The following SPP1 variants were observed in gnomAD, a reference collection of about 807,000 sequenced individuals.
SPP1 encodes osteopontin.
A neutral mutation model predicts 20.8 loss-of-function variants in SPP1; 18 were observed. The observed-to-expected ratio is 0.87, with a 90% CI of 0.60 to 1.29. The LOEUF is 1.29. Among genes scored for constraint, SPP1 ranks in the 50% most tolerant of loss-of-function variants. The pLI is 0.00. For synonymous variants in SPP1, 146 were observed against 141.5 expected, an observed-to-expected ratio of 1.03 and a Z score of -0.23; for missense variants, 363 against 389.0, an observed-to-expected ratio of 0.93 and a Z score of 0.56.
At chr4:87,977,876 A>C (rs1431542249) in intron 3 of SPP1, 1 of 1,186,928 alleles carries the variant, frequency 8.4e-7, no homozygotes, top group Non-Finnish European at 1.1e-6. Context: ...TTGTGTGTGG[A>C]GGGGTGTGTG....
intron 1 of SPP1, 74 bp from the exon 2 acceptor site, chr4:87,976,808 A>G: frequency 1.1e-6 from 1 of 927,528 alleles, no homozygotes; most frequent in South Asian, 1.6e-5. Context: ...TCATTTTGTA[A>G]TGTGGTAGTA....
At chr4:87,979,587 C>T (rs1309251556) in intron 3 of SPP1, among the ~76,000 whole-genome samples, 1 of 152,118 alleles carries the variant, frequency 6.6e-6, no homozygotes, top group Non-Finnish European at 1.5e-5. Context: ...TGAAGATTAA[C>T]AGTAATTAAG....
chr4:87,977,163 A>G (rs1267436740), intron 3 of SPP1, 66 bp downstream of exon 3: 5 of 1,479,018 alleles, frequency 3.4e-6, no homozygotes, highest in Non-Finnish European at 4.7e-6. Flanking sequence ...GGTGCAAGAA[A>G]CGTATTTGCT....
chr4:87,980,461 C>T (rs770476755), intron 5 of SPP1, 27 bp downstream of exon 5: 1 of 1,612,428 alleles, frequency 6.2e-7, no homozygotes, highest in Non-Finnish European at 8.5e-7. Flanking sequence ...AATCAGAGGC[C>T]CATCATGCCT....
intron 6 of SPP1, 21 bp downstream of exon 6, chr4:87,981,819 A>C (rs747984095): frequency 6.2e-7 from 1 of 1,605,884 alleles, no homozygotes; most frequent in Middle Eastern, 1.7e-4. Context: ...TAACAGACAC[A>C]CCTGATGGTT....
chr4:87,978,467 C>T lies in SPP1; in HGVS notation c.93+1370C>T, dbSNP rs532481171. 1.3e-3 allele frequency among the ~76,000 whole-genome samples: 178 copies of T among 137,838 alleles called. 1 individual carries two copies. Among genetic ancestry groups the T allele is most frequent in the African/African-American group, 4.9e-3 (176 of 36,218 alleles). The allele number at this position is 137,838 out of a possible 152,430, so 90.4% of individuals were successfully genotyped here. A position where few individuals can be genotyped will look rare whatever the true frequency, so the allele number is the denominator to read the frequency against. Reference sequence around the variant, plus strand: ...CTGGAGTGCAGTGGTGTGATCTCGGCTCACTGCAAGCTCCGCCTCCCAGGT... The same window carrying T: ...CTGGAGTGCAGTGGTGTGATCTCGGTTCACTGCAAGCTCCGCCTCCCAGGT... On this transcript the variant is annotated intron_variant, in intron 3 of 6. Transcript: ENST00000395080.
chr4:87,976,319 G>C (rs1382360237), intron 1 of SPP1, among the ~76,000 whole-genome samples: 1 of 152,036 alleles, frequency 6.6e-6, no homozygotes, highest in Non-Finnish European at 1.5e-5. Context: ...AAAGCTGTTG[G>C]CTATTTTCAA....
At position 87,977,082 on chromosome 4, in the gene SPP1, T is replaced by C. The variant is rs746941199; in HGVS notation, c.78T>C (p.Ser26=). The change falls in exon 3 of 7, where the codon AGT becomes AGC. Residue 26 remains serine, a synonymous_variant. Coordinates refer to ENST00000395080, the MANE Select transcript of SPP1 (RefSeq NM_001040058.2). ...AIPVKQADSG[S]SEEKQLYNKY... is the part of the protein sequence containing the mutation. ...AGGTTAAACAGGCTGATTCTGGAAGTTCTGAGGAAAAGCAGGTAAGCATCT... is the reference window on the plus strand; with the variant it reads ...AGGTTAAACAGGCTGATTCTGGAAGCTCTGAGGAAAAGCAGGTAAGCATCT... The C allele has an allele frequency of 2.9e-5, 46 of 1,613,748 alleles. No individual in the cohort carries two copies. The highest frequency in any genetic ancestry group is 3.4e-6 in the Non-Finnish European group (4 of 1,179,968).
At chr4:87,982,202 T>C (rs1287345946) in intron 6 of SPP1, among the ~76,000 whole-genome samples, 1 of 152,140 alleles carries the variant, frequency 6.6e-6, no homozygotes, top group East Asian at 1.9e-4. Flanking sequence ...ACTATTCTCT[T>C]TACTTTTTAA....
At chr4:87,981,105 A>T (rs1485103137) in intron 5 of SPP1, among the ~76,000 whole-genome samples, 1 of 152,194 alleles carries the variant, frequency 6.6e-6, no homozygotes, top group Admixed American at 6.5e-5. Flanking sequence ...CATTTCAAAT[A>T]AAAAAACCAG....
chr4:87,976,703 A>C (rs1369449572), intron 1 of SPP1, among the ~76,000 whole-genome samples, 179 bp from the exon 2 acceptor site: 2 of 152,232 alleles, frequency 1.3e-5, no homozygotes, highest in Non-Finnish European at 2.9e-5. Context: ...AATAGGTGGC[A>C]ATATAAATAT....
Position 87,979,416 on chromosome 4 carries a change from G to A in SPP1, c.94-630G>A, listed in dbSNP as rs180878290. Among the ~76,000 whole-genome samples the A allele has an allele frequency of 8.9e-3, 1,355 of 151,672 alleles. 18 individuals are homozygous for A. Among genetic ancestry groups the A allele is most frequent in the African/African-American group, 0.03 (1,260 of 41,372 alleles). Reference sequence around the variant, plus strand: ...TCTCGATCTCCTGACCTCGTGATCCGCCTGCCTCGGCCTCCCAAAGTGCTG... The same window carrying A: ...TCTCGATCTCCTGACCTCGTGATCCACCTGCCTCGGCCTCCCAAAGTGCTG... On this transcript the variant is annotated intron_variant, in intron 3 of 6. Transcript: ENST00000395080.
rs767491167 is a variant in SPP1 at position 87,981,727 on chromosome 4, G to A, written c.469G>A (p.Asp157Asn). ...AGTTGTCCCCACAGTAGACACATAT[G>A]ATGGCCGAGGTGATAGTGTGGTTTA... ...TPVVPTVDTYDGRGDSVVYGL... is the reference protein window; with the variant it reads ...TPVVPTVDTYNGRGDSVVYGL... The change falls in exon 6 of 7, where the codon GAT becomes AAT. Residue 157 changes from aspartate (D) to asparagine (N), a missense_variant. By Grantham distance (23) the Asp-to-Asn change is conservative. Transcript: ENST00000395080. 1 of 1,614,198 alleles carries A rather than the reference G, an allele frequency of 6.2e-7. No homozygotes were observed. The highest frequency in any genetic ancestry group is 8.5e-7 in the Non-Finnish European group (1 of 1,180,042).
chr4:87,983,338 G>A lies in SPP1; in HGVS notation c.*442G>A, dbSNP rs960849236. On this transcript the variant is annotated 3_prime_UTR_variant, in exon 7 of 7. Coordinates refer to ENST00000395080, the MANE Select transcript of SPP1 (RefSeq NM_001040058.2). Reference sequence around the variant, plus strand: ...TTTATCTTGAATGTAATAAGAATTTGGTGGTGTCAATTGCTTATTTGTTTT... The same window carrying A: ...TTTATCTTGAATGTAATAAGAATTTAGTGGTGTCAATTGCTTATTTGTTTT... The A allele has an allele frequency of 6.4e-6, 1 of 155,124 alleles. No homozygotes were observed. Among genetic ancestry groups the A allele is most frequent in the African/African-American group, 2.4e-5 (1 of 41,390 alleles). 9.6% of individuals were successfully genotyped at this position (155,124 alleles called of 1,614,324 possible).
intron 6 of SPP1, 75 bp from the exon 7 acceptor site, chr4:87,982,417 G>C (rs1194392813): frequency 6.6e-7 from 1 of 1,517,592 alleles, no homozygotes; most frequent in African/African-American, 1.4e-5. Context: ...CTAAAAGCTA[G>C]AGAGTGGAAA....
chr4:87,977,787 G>A (rs1482138838), intron 3 of SPP1: 1 of 1,286,120 alleles, frequency 7.8e-7, no homozygotes, highest in Non-Finnish European at 1.0e-6. Context: ...ACAGAATAAA[G>A]GCCAAAATAG....
rs1362011659 is a variant in SPP1 at position 87,982,765 on chromosome 4, G to A, written c.814G>A (p.Glu272Lys). 6.2e-7 allele frequency: 1 copy of A among 1,613,980 alleles called. No individual in the cohort carries two copies. Among genetic ancestry groups the A allele is most frequent in the Non-Finnish European group, 8.5e-7 (1 of 1,180,028 alleles). ...TCAGGAACTTTCCAAAGTCAGCCGT[G>A]AATTCCACAGCCATGAATTTCACAG... is the stretch of plus-strand genomic sequence containing the variant. ...DSQELSKVSR[E>K]FHSHEFHSHE... The change falls in exon 7 of 7, where the codon GAA becomes AAA. Residue 272 changes from glutamate (E) to lysine (K), a missense_variant. Coordinates refer to ENST00000395080, the MANE Select transcript of SPP1 (RefSeq NM_001040058.2).
At chr4:87,977,680 C>T in intron 3 of SPP1, 1 of 1,227,022 alleles carries the variant, frequency 8.1e-7, no homozygotes, top group Non-Finnish European at 1.0e-6. Context: ...ATGTACCTAC[C>T]CCTCCACAAC....
At chr4:87,979,747 C>T (rs1421448030) in intron 3 of SPP1, among the ~76,000 whole-genome samples, 2 of 152,128 alleles carry the variant, frequency 1.3e-5, no homozygotes, top group Non-Finnish European at 2.9e-5. Context: ...CACTTAACTG[C>T]ACTGTGGCTG....
Sources: gnomAD v4.1 joint callset for allele counts (sites outside exome capture counted in the v4.1 genomes callset) on GRCh38, gnomAD v4.1.1 for gene constraint, MANE v1.5 for transcripts, NCBI Gene and HGNC (gene_info 2026-07-23, HGNC 2026-07-21) for gene names.